QDPR: variants seen among roughly 807,000 people sequenced by gnomAD.
QDPR encodes quinoid dihydropteridine reductase, also known as dihydropteridine reductase.
Under a neutral mutation model 31.7 loss-of-function variants are expected in QDPR, and 23 were observed. That is an observed-to-expected ratio of 0.73 (90% CI 0.52 to 1.03). QDPR has a LOEUF of 1.03. QDPR is among the 50% of genes least tolerant of loss of function. QDPR has a pLI of 0.00. For missense variants in QDPR, 324 were observed against 323.8 expected (o/e 1.00, Z 0.00); for synonymous variants, 124 against 124.7 (o/e 0.99, Z 0.03).
rs1719028102 is a variant in QDPR, at chr4:17,511,957, C to T, written c.98G>A (p.Arg33His). 9.9e-6 allele frequency: 16 copies of T among 1,610,592 alleles called. No homozygotes were observed. The highest frequency in any genetic ancestry group is 2.2e-5 in the East Asian group (1 of 44,808). ...GSRCVQAFRA[R>H]NWWVASVDVV... ...CCCAGCCCGCAGCATTACCCAGTTG[C>T]GGGCCCGAAAAGCCTGCACGCATCG... Residue 33 changes from arginine (R) to histidine (H), a missense_variant, in exon 1 of 7, where the codon CGC becomes CAC. Physicochemically the swap from Arg to His is conservative, Grantham distance 29. Coordinates refer to ENST00000281243, the MANE Select transcript of QDPR (RefSeq NM_000320.3).
At chr4:17,491,461 A>G (rs1718161758) in intron 5 of QDPR, among the ~76,000 whole-genome samples, 1 of 152,220 alleles carries the variant, frequency 6.6e-6, no homozygotes, top group South Asian at 2.1e-4. Context: ...CCTCCAAAGC[A>G]GCTGCCTCTG....
At chr4:17,495,236 C>T in intron 4 of QDPR, among the ~76,000 whole-genome samples, 1 of 152,186 alleles carries the variant, frequency 6.6e-6, no homozygotes, top group African/African-American at 2.4e-5. Context: ...TCAAACCAAC[C>T]TGCCATCACT....
At chr4:17,491,871 A>G (rs1718175910) in intron 5 of QDPR, among the ~76,000 whole-genome samples, 1 of 152,120 alleles carries the variant, frequency 6.6e-6, no homozygotes, top group Non-Finnish European at 1.5e-5. Flanking sequence ...GCATGCTTAT[A>G]AAGGAAGCTG....
At chr4:17,508,070 TA>T (rs1718850941) in intron 2 of QDPR, among the ~76,000 whole-genome samples, 1 of 152,232 alleles carries the variant, frequency 6.6e-6, no homozygotes, top group Admixed American at 6.5e-5. Flanking sequence ...ATTTTATAAT[TA>T]AAAATAACCT....
chr4:17,486,963 T>C lies in QDPR; in HGVS notation c.*168A>G, dbSNP rs905909541. 4 of 650,230 alleles carry C rather than the reference T, an allele frequency of 6.2e-6. No homozygotes were observed. Among genetic ancestry groups the C allele is most frequent in the African/African-American group, 5.5e-5 (3 of 54,918 alleles). The allele number at this position is 650,230 out of a possible 1,614,324, so 40.3% of individuals were successfully genotyped here. A position where few individuals can be genotyped will look rare whatever the true frequency, so the allele number is the denominator to read the frequency against. On this transcript the variant is annotated 3_prime_UTR_variant, in exon 7 of 7. Coordinates refer to ENST00000281243, the MANE Select transcript of QDPR (RefSeq NM_000320.3). ...CTCGCATGTCTTTACTTCACATAAA[T>C]GTATTACACTGTCCTAGGAGAGCAA...
intron 6 of QDPR, among the ~76,000 whole-genome samples, chr4:17,489,001 TG>T (rs933937485): frequency 6.6e-5 from 10 of 152,354 alleles, no homozygotes; most frequent in Admixed American, 3.3e-4. Context: ...TTTGTTGTTT[TG>T]TTTTTTTATA....
At chr4:17,496,722 A>G (rs1443379403) in intron 4 of QDPR, among the ~76,000 whole-genome samples, 1 of 149,502 alleles carries the variant, frequency 6.7e-6, no homozygotes, top group African/African-American at 2.5e-5. Flanking sequence ...TGCATCCTTC[A>G]CCTCCAGGGC....
At chr4:17,509,489 G>C in intron 1 of QDPR, 126 bp from the exon 2 acceptor site, 1 of 813,460 alleles carries the variant, frequency 1.2e-6, no homozygotes, top group Non-Finnish European at 2.1e-6. Flanking sequence ...CACTTTGGGA[G>C]CCAATGTGGG....
In QDPR at chr4:17,509,999, A is replaced by C. The variant is rs372434014; in HGVS notation, c.106-636T>G. ...ATCTGCAATTGTAACAGAACACAGC[A>C]ATAAATAGGGGGAAAAAATAAGTGC... is the stretch of plus-strand genomic sequence containing the variant. On this transcript the variant is annotated intron_variant, in intron 1 of 6. Coordinates refer to ENST00000281243, the MANE Select transcript of QDPR (RefSeq NM_000320.3). 320 of 456,058 alleles carry C rather than the reference A, an allele frequency of 7.0e-4. 1 individual carries two copies. Among genetic ancestry groups the C allele is most frequent in the South Asian group, 2.5e-3 (161 of 64,496 alleles). The allele number at this position is 456,058 out of a possible 1,614,324, so 28.3% of individuals were successfully genotyped here.
intron 4 of QDPR, among the ~76,000 whole-genome samples, chr4:17,500,864 T>G (rs956851964): frequency 1.3e-5 from 2 of 152,208 alleles, no homozygotes; most frequent in Admixed American, 1.3e-4. Context: ...TACTTAACTC[T>G]CCAAGTTTTA....
chr4:17,508,092 T>C (rs1183726428), intron 2 of QDPR, among the ~76,000 whole-genome samples: 2 of 152,256 alleles, frequency 1.3e-5, no homozygotes, highest in South Asian at 2.1e-4. Context: ...GTTTTGTTAG[T>C]GTTCCTGCTG....
At chr4:17,499,445 G>C (rs1452829492) in intron 4 of QDPR, among the ~76,000 whole-genome samples, 6 of 152,216 alleles carry the variant, frequency 3.9e-5, no homozygotes, top group African/African-American at 1.4e-4. Context: ...TACTGCCTCT[G>C]TTCCGTGTCA....
rs567249048 is a variant in QDPR at position 17,487,085 on chromosome 4, G to C, written c.*46C>G. 9.5e-6 allele frequency: 14 copies of C among 1,467,414 alleles called. No homozygotes were observed. Among genetic ancestry groups the C allele is most frequent in the African/African-American group, 1.4e-5 (1 of 71,874 alleles). 90.9% of individuals were successfully genotyped at this position (1,467,414 alleles called of 1,614,324 possible). A position where few individuals can be genotyped will look rare whatever the true frequency, so the allele number is the denominator to read the frequency against. ...GCTGGACAAGGCCACACTGAGACAG[G>C]TTAGTGACTTTTCTGGCAGGCCCCT... On this transcript the variant is annotated 3_prime_UTR_variant, in exon 7 of 7. Transcript: ENST00000281243.
Position 17,511,973 on chromosome 4 carries a change from G to C in QDPR, c.82C>G (p.Gln28Glu). 6.2e-7 allele frequency: 1 copy of C among 1,611,104 alleles called. No individual in the cohort carries two copies. The highest frequency in any genetic ancestry group is 8.5e-7 in the Non-Finnish European group (1 of 1,179,264). Residue 28 changes from glutamine (Q) to glutamate (E), a missense_variant, in exon 1 of 7, where the codon CAG (glutamine) becomes GAG (glutamate). Physicochemically the swap from Gln to Glu is conservative, Grantham distance 29. Transcript: ENST00000281243. ...GRGALGSRCV[Q>E]AFRARNWWVA... The stretch of plus-strand genomic sequence containing the variant: ...ACCCAGTTGCGGGCCCGAAAAGCCT[G>C]CACGCATCGAGAACCCAGAGCGCCC...
At chr4:17,499,985 T>A (rs1416430498) in intron 4 of QDPR, among the ~76,000 whole-genome samples, 1 of 141,226 alleles carries the variant, frequency 7.1e-6, no homozygotes, top group East Asian at 2.0e-4. Flanking sequence ...TCCCCCCACC[T>A]TTTTTTTTTT....
chr4:17,492,062 G>A (rs1718182796), intron 5 of QDPR, among the ~76,000 whole-genome samples, 170 bp downstream of exon 5: 1 of 152,224 alleles, frequency 6.6e-6, no homozygotes, highest in African/African-American at 2.4e-5. Flanking sequence ...TATTTTGTTA[G>A]AGCAATTCAA....
rs1718566849 is a variant in QDPR, at chr4:17,501,708, T to C, written c.436+11A>G. The C allele has an allele frequency of 6.2e-7, 1 of 1,613,618 alleles. No homozygotes were observed. Among genetic ancestry groups the C allele is most frequent in the Middle Eastern group, 1.7e-4 (1 of 5,868 alleles). ...CAACCCCACTCCACAGATAGGGAAA[T>C]AAAGGCTTACCAGGAGTCCCATCCA... On this transcript the variant is annotated intron_variant, in intron 4 of 6. Transcript: ENST00000281243.
At chr4:17,497,833 A>C (rs1433648201) in intron 4 of QDPR, among the ~76,000 whole-genome samples, 6 of 152,166 alleles carry the variant, frequency 3.9e-5, no homozygotes, top group Non-Finnish European at 8.8e-5. Context: ...ATAAACTTAA[A>C]CACATTTAGG....
intron 4 of QDPR, 61 bp from the exon 5 acceptor site, chr4:17,492,401 T>A: frequency 1.6e-6 from 2 of 1,288,836 alleles, no homozygotes; most frequent in South Asian, 1.2e-5. Context: ...AGCAAGGACA[T>A]GCAATCTTCT....
Sources: allele counts gnomAD v4.1 joint callset (sites outside exome capture counted in the v4.1 genomes callset), GRCh38; gene constraint gnomAD v4.1.1; transcripts MANE v1.5; gene names NCBI Gene and HGNC (gene_info 2026-07-23, HGNC 2026-07-21).